CLOCK: variants seen among roughly 807,000 people sequenced by gnomAD.
CLOCK encodes circadian locomoter output cycles protein kaput.
A neutral mutation model predicts 118.4 loss-of-function variants in CLOCK; 43 were observed. That is an observed-to-expected ratio of 0.36 (90% CI 0.28 to 0.47). CLOCK has a LOEUF of 0.47. Ranked by LOEUF, CLOCK falls within the 20% of genes least tolerant of loss-of-function variation. The probability of loss-of-function intolerance (pLI) is 1.00; values close to 1 mark genes in which losing one functional copy is unlikely to be tolerated. For synonymous variants in CLOCK, 326 were observed against 339.2 expected (o/e 0.96, Z 0.43); for missense variants, 846 against 999.9 (o/e 0.85, Z 2.08).
chr4:55,453,056 T>G lies in CLOCK; in HGVS notation c.1204A>C (p.Lys402Gln). 1 of 1,606,346 alleles carries G rather than the reference T, an allele frequency of 6.2e-7. No individual in the cohort carries two copies. The highest frequency in any genetic ancestry group is 8.5e-7 in the Non-Finnish European group (1 of 1,174,626). The change falls in exon 15 of 23, where the codon AAA (lysine) becomes CAA (glutamine). Residue 402 changes from lysine (K) to glutamine (Q), a missense_variant and splice_region_variant. By Grantham distance (53) the Lys-to-Gln change is moderately conservative (BLOSUM62 1). Around this residue, in one of 4 missense-constraint regions of CLOCK, gnomAD observed 520 missense variants for 558.0 expected, o/e 0.93. Coordinates refer to ENST00000513440, the MANE Select transcript of CLOCK (RefSeq NM_004898.4). ...EESLPETAAD[K>Q]SQDSGSDNRI... is the part of the protein sequence containing the mutation. ...TTTTTTAATTATAAGAAACATACTT[T>G]GTCAGCAGCTGTCTCAGGAAGAGAC...
chr4:55,542,370 AT>A (rs1731329392), intron 1 of CLOCK, among the ~76,000 whole-genome samples: 1 of 109,688 alleles, frequency 9.1e-6, no homozygotes, highest in Non-Finnish European at 1.8e-5. Flanking sequence ...AATAATAATA[AT>A]AATAATAATA....
chr4:55,463,828 T>C, intron 8 of CLOCK, 23 bp from the exon 9 acceptor site: 1 of 1,593,178 alleles, frequency 6.3e-7, no homozygotes, highest in Non-Finnish European at 8.6e-7. Context: ...TTGTTAAAAG[T>C]AAAATAACTT....
intron 2 of CLOCK, among the ~76,000 whole-genome samples, 159 bp from the exon 3 acceptor site, chr4:55,489,624 ATAACT>A (rs1261433049): frequency 6.6e-6 from 1 of 152,190 alleles, no homozygotes; most frequent in African/African-American, 2.4e-5. Flanking sequence ...AGAAAACAAA[ATAACT>A]TAAAACATGA....
At chr4:55,477,541 T>A (rs886959311) in intron 6 of CLOCK, among the ~76,000 whole-genome samples, 2 of 151,882 alleles carry the variant, frequency 1.3e-5, no homozygotes, top group Non-Finnish European at 2.9e-5. Flanking sequence ...GGTATAAAAA[T>A]GAAAAAAGGC....
At chr4:55,533,519 T>C (rs927385472) in intron 1 of CLOCK, among the ~76,000 whole-genome samples, 1 of 152,242 alleles carries the variant, frequency 6.6e-6, no homozygotes, top group Non-Finnish European at 1.5e-5. Flanking sequence ...TTAAGTATTT[T>C]AGATACATAT....
chr4:55,438,224 T>G, intron 22 of CLOCK, 58 bp downstream of exon 22: 1 of 1,586,500 alleles, frequency 6.3e-7, no homozygotes. Context: ...ACTTAATGCT[T>G]AATTTCATTA....
intron 12 of CLOCK, 32 bp downstream of exon 12, chr4:55,456,186 T>TA: frequency 6.8e-7 from 1 of 1,473,358 alleles, no homozygotes. Flanking sequence ...ACATGACTAT[T>TA]ACCTTTTCAT....
chr4:55,474,714 T>C (rs1003238524), intron 7 of CLOCK, among the ~76,000 whole-genome samples: 1 of 152,200 alleles, frequency 6.6e-6, no homozygotes, highest in East Asian at 1.9e-4. Flanking sequence ...GTATGCCCTA[T>C]AAATAGAGCA....
chr4:55,487,921 G>A (rs919854744), intron 3 of CLOCK, among the ~76,000 whole-genome samples: 5 of 151,976 alleles, frequency 3.3e-5, no homozygotes, highest in East Asian at 1.9e-4. Context: ...TATGTCTTTC[G>A]TAAAAATCTT....
intron 8 of CLOCK, 56 bp downstream of exon 8, chr4:55,470,661 G>T: frequency 8.0e-7 from 1 of 1,250,242 alleles, no homozygotes; most frequent in Non-Finnish European, 1.2e-6. Flanking sequence ...CAGTGCTTTA[G>T]AATATTTAAA....
chr4:55,512,914 A>T (rs1474402158), intron 1 of CLOCK, among the ~76,000 whole-genome samples: 8 of 152,186 alleles, frequency 5.3e-5, no homozygotes, highest in East Asian at 1.9e-4. Context: ...CGTATATATG[A>T]CAGTGGTCCC....
At chr4:55,510,254 C>T (rs1347929621) in intron 1 of CLOCK, among the ~76,000 whole-genome samples, 189 bp from the exon 2 acceptor site, 2 of 152,038 alleles carry the variant, frequency 1.3e-5, no homozygotes, top group African/African-American at 4.8e-5. Context: ...GTAAATGGGA[C>T]AAAAAGTTTG....
At chr4:55,436,462 C>CA (rs1722883649) in intron 22 of CLOCK, among the ~76,000 whole-genome samples, 1 of 152,016 alleles carries the variant, frequency 6.6e-6, no homozygotes, top group African/African-American at 2.4e-5. Flanking sequence ...CTCTCAGATA[C>CA]AAAAAAATGT....
intron 17 of CLOCK, 134 bp from the exon 18 acceptor site, chr4:55,449,002 T>TAACAAA: frequency 2.7e-6 from 2 of 729,488 alleles, no homozygotes; most frequent in Non-Finnish European, 4.7e-6. Flanking sequence ...TGAATACAGC[T>TAACAAA]ATGTCTTCTC....
intron 21 of CLOCK, among the ~76,000 whole-genome samples, chr4:55,441,008 C>T (rs1004873838): frequency 6.6e-6 from 1 of 152,174 alleles, no homozygotes; most frequent in Admixed American, 6.5e-5. Context: ...AAAAACTGCT[C>T]ACTTCCTCCT....
chr4:55,478,507 T>C (rs1726694572), intron 6 of CLOCK, among the ~76,000 whole-genome samples: 1 of 152,154 alleles, frequency 6.6e-6, no homozygotes, highest in African/African-American at 2.4e-5. Context: ...CTCTTTCCTG[T>C]GTTTTTGCTG....
At chr4:55,451,459 C>A (rs1724445163) in intron 15 of CLOCK, among the ~76,000 whole-genome samples, 1 of 152,128 alleles carries the variant, frequency 6.6e-6, no homozygotes, top group African/African-American at 2.4e-5. Flanking sequence ...CAAGACACAC[C>A]CATCCCTTTG....
At chr4:55,543,011 T>G (rs1428943083) in intron 1 of CLOCK, among the ~76,000 whole-genome samples, 7 of 152,114 alleles carry the variant, frequency 4.6e-5, no homozygotes, top group Non-Finnish European at 8.8e-5. Context: ...ACTCCTGGGT[T>G]CAAGTGATCC....
rs909010498 is a variant in CLOCK at position 55,529,637 on chromosome 4, A to G, written c.-290+17145T>C. On this transcript the variant is annotated intron_variant, in intron 1 of 22. Coordinates refer to ENST00000513440, the MANE Select transcript of CLOCK (RefSeq NM_004898.4). ...AATAATACAAGAGTCCACTATGCCA[A>G]GAACTGTTACAAATGCTTAATAAAT... Among the ~76,000 whole-genome samples, 40 of 152,256 alleles carry G rather than the reference A, an allele frequency of 2.6e-4. 1 individual carries two copies. Among genetic ancestry groups the G allele is most frequent in the Admixed American group, 2.2e-3 (34 of 15,284 alleles).
Sources: gnomAD v4.1 joint callset for allele counts (sites outside exome capture counted in the v4.1 genomes callset) on GRCh38, gnomAD v4.1.1 for gene constraint, gnomAD v4.1.1 regional missense constraint, MANE v1.5 for transcripts, NCBI Gene and HGNC (gene_info 2026-07-23, HGNC 2026-07-21) for gene names.